ACTR3C: variants seen among roughly 807,000 people sequenced by gnomAD.
The protein encoded by ACTR3C is actin-related protein 3C.
A neutral mutation model predicts 26.3 loss-of-function variants in ACTR3C; 18 were observed. The observed-to-expected ratio is 0.68, with a 90% CI of 0.47 to 1.01. The LOEUF (loss-of-function observed/expected upper bound fraction) is 1.01. Ranked by LOEUF, ACTR3C falls within the 50% of genes least tolerant of loss-of-function variation. The pLI is 0.00. For synonymous variants in ACTR3C, 55 were observed against 94.5 expected (o/e 0.58, Z 2.42); for missense variants, 184 against 250.7 (o/e 0.73, Z 1.80).
chr7:150,227,518 A>G, the ACTR3C span, among the ~76,000 whole-genome samples: 10 of 151,080 alleles, frequency 6.6e-5, no homozygotes, highest in Non-Finnish European at 1.3e-4. Context: ...CAACGTATGA[A>G]TTTTTTCTTT....
the ACTR3C span, among the ~76,000 whole-genome samples, chr7:150,037,008 T>G: frequency 2.7e-5 from 2 of 74,144 alleles, no homozygotes; most frequent in African/African-American, 5.1e-5. Flanking sequence ...CCCCCTGCGA[T>G]GGGGGTACCA....
At chr7:150,311,311 C>A (rs1410396417) in intron 1 of ACTR3C, among the ~76,000 whole-genome samples, 1 of 152,160 alleles carries the variant, frequency 6.6e-6, no homozygotes, top group African/African-American at 2.4e-5. Context: ...CAATCTATAG[C>A]CTTTCTATCC....
At chr7:149,904,601 A>G in the ACTR3C span, among the ~76,000 whole-genome samples, 1 of 127,942 alleles carries the variant, frequency 7.8e-6, no homozygotes, top group African/African-American at 2.5e-5. Context: ...AGAGACATGA[A>G]TAAACAATAA....
chr7:150,123,121 A>T, the ACTR3C span, among the ~76,000 whole-genome samples: 2 of 151,700 alleles, frequency 1.3e-5, no homozygotes, highest in Non-Finnish European at 2.9e-5. Context: ...CATTAGGAGA[A>T]ATACCTAATG....
At chr7:150,247,801 G>GATCT (rs1832549343) in intron 7 of ACTR3C, 2 of 148,762 alleles carry the variant, frequency 1.3e-5, no homozygotes, top group Non-Finnish European at 3.0e-5. Context: ...GTTCACAAGA[G>GATCT]ATCTGGTCAT....
chr7:149,892,398 C>G, the ACTR3C span: 4 of 1,532,836 alleles, frequency 2.6e-6, no homozygotes, highest in South Asian at 4.6e-5. Flanking sequence ...GATGGCAATA[C>G]CTTAAAAAAA....
At chr7:150,299,191 C>A (rs1177205004) in intron 1 of ACTR3C, among the ~76,000 whole-genome samples, 2 of 151,488 alleles carry the variant, frequency 1.3e-5, no homozygotes, top group Non-Finnish European at 2.9e-5. Flanking sequence ...CGATGTTGGC[C>A]AGGCTGGTCT....
chr7:150,106,138 C>T, the ACTR3C span, among the ~76,000 whole-genome samples: 1 of 151,780 alleles, frequency 6.6e-6, no homozygotes, highest in African/African-American at 2.4e-5. Flanking sequence ...CTGTATGTTT[C>T]CTGCAAGTCT....
chr7:150,021,627 C>A, the ACTR3C span, among the ~76,000 whole-genome samples: 1 of 140,010 alleles, frequency 7.1e-6, no homozygotes, highest in East Asian at 2.0e-4. Context: ...CCCCTCCCAG[C>A]CTTCCCCCCG....
At chr7:150,202,787 A>G in the ACTR3C span, among the ~76,000 whole-genome samples, 1 of 152,222 alleles carries the variant, frequency 6.6e-6, no homozygotes, top group Non-Finnish European at 1.5e-5. Context: ...CAACAACTCA[A>G]TGCAAGTGGC....
chr7:149,922,752 A>G, the ACTR3C span, among the ~76,000 whole-genome samples: 1,447 of 150,696 alleles, frequency 9.6e-3, 20 homozygotes, highest in African/African-American at 0.033. Context: ...ATAAACTATT[A>G]AAGAATCTTT....
chr7:150,158,078 G>C, the ACTR3C span, among the ~76,000 whole-genome samples: 1 of 152,124 alleles, frequency 6.6e-6, no homozygotes, highest in Non-Finnish European at 1.5e-5. Flanking sequence ...AGATGCAACA[G>C]GTGTATATTA....
chr7:150,210,837 T>C, the ACTR3C span, among the ~76,000 whole-genome samples: 1 of 144,294 alleles, frequency 6.9e-6, no homozygotes, highest in Non-Finnish European at 1.5e-5. Context: ...GGTATGCACA[T>C]GTGCACACGT....
the ACTR3C span, among the ~76,000 whole-genome samples, chr7:150,193,028 C>G: frequency 2.6e-5 from 4 of 152,300 alleles, no homozygotes; most frequent in South Asian, 6.2e-4. Flanking sequence ...TTCCTTCTCC[C>G]AAACTTCCTT....
chr7:150,290,280 C>T (rs573486234), intron 3 of ACTR3C, among the ~76,000 whole-genome samples: 174 of 152,360 alleles, frequency 1.1e-3, no homozygotes, highest in Non-Finnish European at 2.0e-3. Flanking sequence ...AGGGTGACCA[C>T]GACCTGGGCC....
At chr7:150,286,690 C>G in intron 4 of ACTR3C, 150 bp from the exon 5 acceptor site, 1 of 989,126 alleles carries the variant, frequency 1.0e-6, no homozygotes, top group Non-Finnish European at 1.4e-6. Flanking sequence ...CATCAAGCCT[C>G]ACATTCCATC....
downstream of ACTR3C, among the ~76,000 whole-genome samples, chr7:150,240,320 C>T (rs1832109233): frequency 6.6e-6 from 1 of 152,154 alleles, no homozygotes; most frequent in African/African-American, 2.4e-5. Context: ...ATGGAAACCT[C>T]GTCTTTCTAA....
chr7:150,152,044 G>A, the ACTR3C span, among the ~76,000 whole-genome samples: 4 of 146,538 alleles, frequency 2.7e-5, no homozygotes, highest in African/African-American at 9.7e-5. Context: ...TTTGGGCTGC[G>A]ACAATGGGGT....
At chr7:150,107,754 G>A in the ACTR3C span, among the ~76,000 whole-genome samples, 1 of 151,634 alleles carries the variant, frequency 6.6e-6, no homozygotes, top group East Asian at 1.9e-4. Context: ...AAAATCTTGT[G>A]AAAAAGAAGG....
Sources: allele counts gnomAD v4.1 joint callset (sites outside exome capture counted in the v4.1 genomes callset), GRCh38; gene constraint gnomAD v4.1.1; transcripts MANE v1.5; gene names NCBI Gene and HGNC (gene_info 2026-07-23, HGNC 2026-07-21).